Variants in TNNI3K observed in about 807,000 individuals in gnomAD.
TNNI3K encodes the protein TNNI3 interacting kinase, also known as serine/threonine-protein kinase TNNI3K.
TNNI3K carries 140 observed loss-of-function variants against 114.5 expected under a neutral mutation model. The ratio of observed to expected loss-of-function variants is 1.22; its 90% CI spans 1.07 to 1.41. TNNI3K has a LOEUF of 1.41. TNNI3K is among the 40% of genes most tolerant of loss of function. TNNI3K has a pLI of 0.00. For missense variants in TNNI3K, 1,125 were observed against 1,007.6 expected (o/e 1.12, Z -1.58); for synonymous variants, 347 against 347.5 (o/e 1.00, Z 0.02).
chr1:74,247,150 G>T (rs1244950449), intron 2 of TNNI3K, among the ~76,000 whole-genome samples: 3 of 152,084 alleles, frequency 2.0e-5, no homozygotes, highest in African/African-American at 4.8e-5. Flanking sequence ...GTGTGTCCGG[G>T]GTTTGTTCCT....
chr1:74,314,423 C>T (rs576955387), intron 5 of TNNI3K, among the ~76,000 whole-genome samples: 142 of 152,070 alleles, frequency 9.3e-4, no homozygotes, highest in Non-Finnish European at 1.4e-3. Flanking sequence ...TTGTTTGTAT[C>T]TATCTCATTT....
At chr1:74,417,161 AGG>A (rs1665156719) in intron 17 of TNNI3K, among the ~76,000 whole-genome samples, 1 of 152,272 alleles carries the variant, frequency 6.6e-6, no homozygotes, top group South Asian at 2.1e-4. Flanking sequence ...TTGATTATTC[AGG>A]GAAATATACT....
chr1:74,543,934 G>A lies in TNNI3K; in HGVS notation c.2460G>A (p.Met820Ile), dbSNP rs1419655753. 6 of 1,613,392 alleles carry A rather than the reference G, an allele frequency of 3.7e-6. No homozygotes were observed. Among genetic ancestry groups the A allele is most frequent in the Non-Finnish European group, 5.1e-6 (6 of 1,179,720 alleles). Residue 820 changes from methionine (M) to isoleucine (I), a missense_variant, in exon 25 of 25, where the codon ATG becomes ATA. Met to Ile is a conservative substitution (Grantham distance 10). Coordinates refer to ENST00000326637, the MANE Select transcript of TNNI3K (RefSeq NM_015978.3). ...YGYVSDPMSSMHFHSCRNSSS... is the reference protein window; with the variant it reads ...YGYVSDPMSSIHFHSCRNSSS... ...ATGTATCCGATCCCATGAGCTCAAT[G>A]CATTTTCATTCTTGCCGAAATAGTA...
chr1:74,511,404 G>A (rs1261028619), intron 23 of TNNI3K, among the ~76,000 whole-genome samples: 2 of 152,022 alleles, frequency 1.3e-5, no homozygotes, highest in Non-Finnish European at 2.9e-5. Flanking sequence ...TGTTGGCCTC[G>A]AACTCCTGGT....
intron 5 of TNNI3K, among the ~76,000 whole-genome samples, chr1:74,283,718 T>C (rs1657152118): frequency 6.6e-6 from 1 of 152,188 alleles, no homozygotes; most frequent in Non-Finnish European, 1.5e-5. Flanking sequence ...ATGTCAATCT[T>C]TCTATGCACT....
chr1:74,447,837 A>C (rs1367446747), intron 20 of TNNI3K, among the ~76,000 whole-genome samples: 1 of 2,630 alleles, frequency 3.8e-4, no homozygotes, highest in African/African-American at 2.0e-3. Context: ...ACTATTCACA[A>C]TAGCAAAGAC....
chr1:74,540,956 T>C (rs1271965614), intron 24 of TNNI3K, among the ~76,000 whole-genome samples: 1 of 152,128 alleles, frequency 6.6e-6, no homozygotes, highest in Non-Finnish European at 1.5e-5. Flanking sequence ...GGATGGACAA[T>C]TGCCTTTATC....
intron 17 of TNNI3K, chr1:74,377,207 T>A (rs754465184): frequency 2.0e-5 from 3 of 152,044 alleles, no homozygotes; most frequent in Non-Finnish European, 4.4e-5. Flanking sequence ...TATTAGGGAA[T>A]CAAGTCACAA....
intron 23 of TNNI3K, among the ~76,000 whole-genome samples, chr1:74,531,444 T>A (rs549885509): frequency 9.2e-5 from 14 of 152,256 alleles, no homozygotes; most frequent in African/African-American, 3.4e-4. Flanking sequence ...ATCATCTTAC[T>A]CTTTAGGCCA....
At chr1:74,461,151 C>T (rs1193415636) in intron 20 of TNNI3K, among the ~76,000 whole-genome samples, 3 of 152,114 alleles carry the variant, frequency 2.0e-5, no homozygotes, top group Non-Finnish European at 1.5e-5. Flanking sequence ...AGTTTGTTTG[C>T]TTATTGATTT....
At chr1:74,366,300 A>G (rs982342759) in intron 11 of TNNI3K, among the ~76,000 whole-genome samples, 2 of 152,024 alleles carry the variant, frequency 1.3e-5, no homozygotes, top group African/African-American at 4.8e-5. Context: ...AGCTTCATAG[A>G]TTATTTTTAT....
At chr1:74,511,047 C>T (rs145886411) in intron 23 of TNNI3K, among the ~76,000 whole-genome samples, 13 of 152,214 alleles carry the variant, frequency 8.5e-5, no homozygotes, top group African/African-American at 3.1e-4. Flanking sequence ...GCCACCATGC[C>T]CAGCTAATGT....
At chr1:74,283,992 A>G (rs974112927) in intron 5 of TNNI3K, among the ~76,000 whole-genome samples, 2 of 152,190 alleles carry the variant, frequency 1.3e-5, no homozygotes, top group Non-Finnish European at 2.9e-5. Flanking sequence ...GTTGTAAATC[A>G]GAATTTCTAT....
intron 17 of TNNI3K, among the ~76,000 whole-genome samples, chr1:74,381,985 A>G (rs1663226227): frequency 6.6e-6 from 1 of 152,234 alleles, no homozygotes; most frequent in Non-Finnish European, 1.5e-5. Context: ...GGATGTGTAT[A>G]GCACCTATGT....
At chr1:74,514,827 T>C (rs1024995314) in intron 23 of TNNI3K, among the ~76,000 whole-genome samples, 12 of 152,176 alleles carry the variant, frequency 7.9e-5, no homozygotes, top group South Asian at 6.2e-4. Flanking sequence ...TCTCAGACCC[T>C]GGTACCTCAA....
chr1:74,248,953 A>G (rs1399067253), intron 2 of TNNI3K, among the ~76,000 whole-genome samples: 2 of 152,166 alleles, frequency 1.3e-5, no homozygotes, highest in Admixed American at 1.3e-4. Flanking sequence ...AAACCTTCAG[A>G]GAGGCAAAGG....
intron 5 of TNNI3K, among the ~76,000 whole-genome samples, chr1:74,295,807 CTGTT>C (rs1372308601): frequency 5.3e-5 from 8 of 152,152 alleles, no homozygotes; most frequent in Non-Finnish European, 1.0e-4. Flanking sequence ...AATATTCCGT[CTGTT>C]TATTTAATAT....
At chr1:74,449,065 A>G (rs1224837971) in intron 20 of TNNI3K, among the ~76,000 whole-genome samples, 1 of 136,722 alleles carries the variant, frequency 7.3e-6, no homozygotes, top group African/African-American at 2.8e-5. Flanking sequence ...TACCTCTGGT[A>G]GAATTTGGCT....
chr1:74,391,119 A>G (rs1461111142), intron 17 of TNNI3K, among the ~76,000 whole-genome samples: 1 of 152,186 alleles, frequency 6.6e-6, no homozygotes, highest in Admixed American at 6.5e-5. Context: ...TACACCATTG[A>G]GATGTTTAAG....
Sources: gnomAD v4.1 joint callset for allele counts (sites outside exome capture counted in the v4.1 genomes callset) on GRCh38, gnomAD v4.1.1 for gene constraint, MANE v1.5 for transcripts, NCBI Gene and HGNC (gene_info 2026-07-23, HGNC 2026-07-21) for gene names.